The following LHFPL3 variants were observed in gnomAD, a reference collection of about 807,000 sequenced individuals.
LHFPL3 encodes the protein LHFPL tetraspan subfamily member 3 protein.
In LHFPL3, 5 loss-of-function variants were observed where a neutral mutation model predicts 19.3. That is an observed-to-expected ratio of 0.26 (90% CI 0.14 to 0.54). The LOEUF (loss-of-function observed/expected upper bound fraction) is 0.54. Among genes scored for constraint, LHFPL3 ranks in the 20% least tolerant of loss-of-function variants. The probability of loss-of-function intolerance (pLI) is 0.94; values close to 1 mark genes in which losing one functional copy is unlikely to be tolerated. For synonymous variants in LHFPL3, 133 were observed against 126.2 expected (o/e 1.05, Z -0.36); for missense variants, 249 against 307.4 (o/e 0.81, Z 1.42).
At chr7:104,370,888 A>C (rs908130498) in intron 1 of LHFPL3, among the ~76,000 whole-genome samples, 2 of 152,230 alleles carry the variant, frequency 1.3e-5, no homozygotes, top group African/African-American at 2.4e-5. Flanking sequence ...ATCTCAAAAA[A>C]AGATGAGGAT....
At chr7:104,545,632 ACCT>A (rs1288203454) in intron 1 of LHFPL3, among the ~76,000 whole-genome samples, 1 of 151,894 alleles carries the variant, frequency 6.6e-6, no homozygotes, top group East Asian at 1.9e-4. Context: ...GCGATCTATC[ACCT>A]CCTCTTCAAT....
chr7:104,360,694 C>CGTGT (rs61216282), intron 1 of LHFPL3, among the ~76,000 whole-genome samples: 4,985 of 144,324 alleles, frequency 0.035, 109 homozygotes, highest in Non-Finnish European at 0.046. Flanking sequence ...AAAGTGCTTC[C>CGTGT]GTGTGTGTGT....
chr7:104,521,697 AC>A (rs915013292), intron 1 of LHFPL3, among the ~76,000 whole-genome samples: 23 of 152,048 alleles, frequency 1.5e-4, no homozygotes, highest in African/African-American at 5.6e-4. Flanking sequence ...CAAGAAAAAA[AC>A]AAACAACCCC....
intron 1 of LHFPL3, among the ~76,000 whole-genome samples, chr7:104,657,273 C>A (rs1191676322): frequency 6.6e-6 from 1 of 152,156 alleles, no homozygotes; most frequent in Non-Finnish European, 1.5e-5. Flanking sequence ...GCATTCAGAC[C>A]AAATGAAATG....
Position 104,399,691 on chromosome 7 carries a change from C to A in LHFPL3, c.445+70467C>A, listed in dbSNP as rs2116490636. ...GTTTCACCATATTGGCCAGGCTGGT[C>A]TTGAACTCCCAACCTCGTGCTCCGC... is the stretch of plus-strand genomic sequence containing the variant. On this transcript the variant is annotated intron_variant, in intron 1 of 2. Coordinates refer to ENST00000424859, the MANE Select transcript of LHFPL3 (RefSeq NM_199000.3). This position sits in a 1 kb window ranked among gnomAD's most constrained non-coding sequence, Gnocchi z 4.4. Among the ~76,000 whole-genome samples the A allele has an allele frequency of 1.4e-5, 2 of 143,058 alleles. No homozygotes were observed. Among genetic ancestry groups the A allele is most frequent in the South Asian group, 4.7e-4 (2 of 4,284 alleles). 93.9% of individuals were successfully genotyped at this position (143,058 alleles called of 152,430 possible).
At chr7:104,734,434 C>T (rs1793765994) in intron 1 of LHFPL3, among the ~76,000 whole-genome samples, 1 of 152,112 alleles carries the variant, frequency 6.6e-6, no homozygotes, top group Non-Finnish European at 1.5e-5. Flanking sequence ...ATTCTTTTTT[C>T]TCTAAACCTC....
At chr7:104,864,250 G>A (rs1791673269) in intron 2 of LHFPL3, among the ~76,000 whole-genome samples, 1 of 152,204 alleles carries the variant, frequency 6.6e-6, no homozygotes, top group South Asian at 2.1e-4. Flanking sequence ...TCACTGGGGA[G>A]TGTTGGAAAG....
At chr7:104,397,010 A>C (rs530191437) in intron 1 of LHFPL3, among the ~76,000 whole-genome samples, 41 of 152,162 alleles carry the variant, frequency 2.7e-4, no homozygotes, top group Non-Finnish European at 5.4e-4. Context: ...TTCTGTTTTT[A>C]GTTGTAGTAT....
intron 2 of LHFPL3, among the ~76,000 whole-genome samples, chr7:104,810,712 T>C (rs1448193367): frequency 6.6e-6 from 1 of 152,152 alleles, no homozygotes; most frequent in Non-Finnish European, 1.5e-5. Context: ...TAGCTTGTAT[T>C]TGGCAGACCA....
intron 1 of LHFPL3, among the ~76,000 whole-genome samples, chr7:104,592,655 G>T (rs1790750628): frequency 6.6e-6 from 1 of 152,140 alleles, no homozygotes; most frequent in Non-Finnish European, 1.5e-5. Flanking sequence ...GTTTAAGTCT[G>T]CAGAAGTTTC....
chr7:104,632,487 C>G (rs1221696106), intron 1 of LHFPL3, among the ~76,000 whole-genome samples: 1 of 152,150 alleles, frequency 6.6e-6, no homozygotes, highest in Admixed American at 6.5e-5. Flanking sequence ...AATAGATAAC[C>G]ATTATGAAAT....
intron 2 of LHFPL3, among the ~76,000 whole-genome samples, chr7:104,817,130 G>C (rs1325232339): frequency 6.6e-6 from 1 of 152,188 alleles, no homozygotes; most frequent in African/African-American, 2.4e-5. Flanking sequence ...CTTTATTGGA[G>C]TATTCCTTGG....
chr7:104,807,723 C>T (rs977452883), intron 2 of LHFPL3, among the ~76,000 whole-genome samples: 1 of 152,222 alleles, frequency 6.6e-6, no homozygotes, highest in Non-Finnish European at 1.5e-5. Context: ...AATGAATTAA[C>T]TGAGTCTGGC....
At chr7:104,883,987 G>A (rs1033372994) in intron 2 of LHFPL3, among the ~76,000 whole-genome samples, 2 of 152,152 alleles carry the variant, frequency 1.3e-5, no homozygotes, top group African/African-American at 4.8e-5. Context: ...TGGTTGGGGC[G>A]TGTGGATATG....
chr7:104,384,791 A>C (rs1219772282), intron 1 of LHFPL3, among the ~76,000 whole-genome samples: 4 of 126,298 alleles, frequency 3.2e-5, no homozygotes, highest in Non-Finnish European at 5.4e-5. Flanking sequence ...CTATTTCAAA[A>C]AAAAAAAAAA....
intron 1 of LHFPL3, among the ~76,000 whole-genome samples, chr7:104,732,985 C>A (rs1172899849): frequency 6.6e-6 from 1 of 152,046 alleles, no homozygotes; most frequent in East Asian, 1.9e-4. Context: ...TTATGTACCC[C>A]ATAGTCATTC....
intron 1 of LHFPL3, among the ~76,000 whole-genome samples, chr7:104,369,046 T>G (rs967613536): frequency 6.6e-6 from 1 of 152,232 alleles, no homozygotes; most frequent in East Asian, 1.9e-4. Context: ...CATACCTTTT[T>G]AAAGTTTTAT....
At chr7:104,669,598 C>T in intron 1 of LHFPL3, 1 of 1,605,940 alleles carries the variant, frequency 6.2e-7, no homozygotes, top group South Asian at 1.1e-5. Flanking sequence ...CTGTGCTTTT[C>T]TCCTAGTTTC....
At chr7:104,851,129 T>C (rs1185096969) in intron 2 of LHFPL3, among the ~76,000 whole-genome samples, 1 of 152,238 alleles carries the variant, frequency 6.6e-6, no homozygotes, top group African/African-American at 2.4e-5. Context: ...GTTCCAAGTC[T>C]TCAGATGGGA....
Sources: gnomAD v4.1 joint callset for allele counts (sites outside exome capture counted in the v4.1 genomes callset) on GRCh38, gnomAD v4.1.1 for gene constraint, Gnocchi (gnomAD v3.1) non-coding constraint, MANE v1.5 for transcripts, NCBI Gene and HGNC (gene_info 2026-07-23, HGNC 2026-07-21) for gene names.